Variants in ATP9A observed in about 807,000 individuals in gnomAD.
ATP9A encodes the protein ATPase phospholipid transporting 9A, also known as probable phospholipid-transporting ATPase IIA.
In ATP9A, 52 loss-of-function variants were observed where a neutral mutation model predicts 144.1. The ratio of observed to expected loss-of-function variants is 0.36; its 90% CI spans 0.29 to 0.45. The LOEUF is 0.45. Among genes scored for constraint, ATP9A ranks in the 20% least tolerant of loss-of-function variants. The pLI, the probability that ATP9A is intolerant of heterozygous loss-of-function variation, is 1.00. For synonymous variants in ATP9A, 582 were observed against 557.4 expected (o/e 1.04, Z -0.62); for missense variants, 947 against 1,392.7 (o/e 0.68, Z 5.09).
chr20:51,618,542 C>G (rs1482627036), intron 21 of ATP9A, 120 bp downstream of exon 21: 2 of 1,391,594 alleles, frequency 1.4e-6, no homozygotes, highest in Admixed American at 4.9e-5. Flanking sequence ...AAAATCATGA[C>G]CTGAACAAAG....
intron 1 of ATP9A, among the ~76,000 whole-genome samples, chr20:51,753,892 C>A (rs79810788): frequency 1.3e-5 from 2 of 151,218 alleles, no homozygotes; most frequent in African/African-American, 4.9e-5. Flanking sequence ...AGGCTGGACT[C>A]GAACTCCTGA....
At chr20:51,645,571 T>G (rs919996597) in intron 14 of ATP9A, among the ~76,000 whole-genome samples, 16 of 152,134 alleles carry the variant, frequency 1.1e-4, no homozygotes, top group African/African-American at 3.9e-4. Context: ...CTCAGTCTCT[T>G]TGGGAGCTGA....
chr20:51,746,937 C>T (rs145725652), intron 1 of ATP9A, among the ~76,000 whole-genome samples: 165 of 141,368 alleles, frequency 1.2e-3, no homozygotes, highest in African/African-American at 4.2e-3. Context: ...ACCCAGGAGG[C>T]GGAGGTTGCA....
At chr20:51,652,323 G>C (rs970521294) in intron 14 of ATP9A, among the ~76,000 whole-genome samples, 4 of 152,228 alleles carry the variant, frequency 2.6e-5, no homozygotes, top group African/African-American at 9.6e-5. Flanking sequence ...CAACTGGAAT[G>C]TGCACAGGAA....
At chr20:51,636,433 C>T (rs540860422) in intron 15 of ATP9A, among the ~76,000 whole-genome samples, 3 of 152,306 alleles carry the variant, frequency 2.0e-5, no homozygotes, top group South Asian at 2.1e-4. Flanking sequence ...CTGTTTTAAG[C>T]CACTAAATGT....
At chr20:51,763,323 T>G (rs1266955499) in intron 1 of ATP9A, among the ~76,000 whole-genome samples, 1 of 151,230 alleles carries the variant, frequency 6.6e-6, no homozygotes, top group African/African-American at 2.4e-5. Flanking sequence ...ACTTTTTTTT[T>G]TTTTTTTGAG....
rs1216866238 is a variant in ATP9A, at chr20:51,642,725, CCAAAAAAAAAAAAAAAAAAAAA to C, written c.1507-3243_1507-3222del. Among the ~76,000 whole-genome samples, 14 of 65,592 alleles carry C rather than the reference CCAAAAAAAAAAAAAAAAAAAAA, an allele frequency of 2.1e-4. 1 individual carries two copies. The highest frequency in any genetic ancestry group is 4.6e-4 in the African/African-American group (7 of 15,142). 43.0% of individuals were successfully genotyped at this position (65,592 alleles called of 152,430 possible). On this transcript the variant is annotated intron_variant, in intron 14 of 27. Coordinates refer to ENST00000338821, the MANE Select transcript of ATP9A (RefSeq NM_006045.3). ...TGGGTGACTGAGTGAGACTCTGTCT[CCAAAAAAAAAAAAAAAAAAAAA>C]AAAAAAAAAAAAAAAAACCTGGCGT...
intron 17 of ATP9A, among the ~76,000 whole-genome samples, 159 bp downstream of exon 17, chr20:51,627,441 G>A (rs956172838): frequency 6.6e-6 from 1 of 152,156 alleles, no homozygotes; most frequent in Non-Finnish European, 1.5e-5. Flanking sequence ...AGAGTTCCAG[G>A]CAGACAGAAC....
At chr20:51,711,685 TCAGACA>T (rs2077639106) in intron 4 of ATP9A, among the ~76,000 whole-genome samples, 1 of 152,168 alleles carries the variant, frequency 6.6e-6, no homozygotes, top group Admixed American at 6.5e-5. Flanking sequence ...TCTATTGTAG[TCAGACA>T]CAGACATCAA....
At chr20:51,631,538 G>A (rs538986907) in intron 15 of ATP9A, among the ~76,000 whole-genome samples, 3 of 152,182 alleles carry the variant, frequency 2.0e-5, no homozygotes, top group South Asian at 2.1e-4. Context: ...CCGCATCAAC[G>A]ATCCCCTCCC....
intron 1 of ATP9A, among the ~76,000 whole-genome samples, chr20:51,751,429 T>C (rs1253109183): frequency 6.6e-6 from 1 of 151,766 alleles, no homozygotes; most frequent in Admixed American, 6.6e-5. Flanking sequence ...CCAGCTAATT[T>C]TTTATTTTTC....
At chr20:51,759,655 A>G (rs2077870809) in intron 1 of ATP9A, among the ~76,000 whole-genome samples, 1 of 152,098 alleles carries the variant, frequency 6.6e-6, no homozygotes, top group South Asian at 2.1e-4. Context: ...CCTGGGCGAC[A>G]AGAGCAAGAT....
rs150586021 is a variant in ATP9A, at chr20:51,667,605, C to G, written c.1293+2392G>C. Among the ~76,000 whole-genome samples, 657 of 152,220 alleles carry G rather than the reference C, an allele frequency of 4.3e-3. 8 individuals are homozygous for G. The highest frequency in any genetic ancestry group is 0.015 in the African/African-American group (617 of 41,522). On this transcript the variant is annotated intron_variant, in intron 13 of 27. Coordinates refer to ENST00000338821, the MANE Select transcript of ATP9A (RefSeq NM_006045.3). ...TGAAGACCAAGGCTAGATCCCACTG[C>G]AAGTCTCAGACTCCACCACAGAGCT...
At chr20:51,641,688 G>A (rs2077319818) in intron 14 of ATP9A, among the ~76,000 whole-genome samples, 1 of 151,414 alleles carries the variant, frequency 6.6e-6, no homozygotes, top group Non-Finnish European at 1.5e-5. Flanking sequence ...AAAATAAGCT[G>A]GGCGTGGTGG....
At chr20:51,758,457 C>T (rs1248469644) in intron 1 of ATP9A, among the ~76,000 whole-genome samples, 1 of 152,202 alleles carries the variant, frequency 6.6e-6, no homozygotes, top group Non-Finnish European at 1.5e-5. Context: ...ACTAAAAGAA[C>T]ATTCTGTTCT....
chr20:51,633,334 A>T (rs1008070019), intron 15 of ATP9A, among the ~76,000 whole-genome samples: 1 of 152,226 alleles, frequency 6.6e-6, no homozygotes, highest in Non-Finnish European at 1.5e-5. Flanking sequence ...GAAGCCTTCT[A>T]TGGAGTTCAG....
chr20:51,759,984 G>A (rs1027067552), intron 1 of ATP9A, among the ~76,000 whole-genome samples: 5 of 152,120 alleles, frequency 3.3e-5, no homozygotes, highest in Non-Finnish European at 5.9e-5. Flanking sequence ...ATTCCCAGCT[G>A]AGGTGACACA....
intron 4 of ATP9A, among the ~76,000 whole-genome samples, chr20:51,703,052 C>G (rs1417394203): frequency 1.3e-5 from 2 of 152,028 alleles, no homozygotes; most frequent in Non-Finnish European, 2.9e-5. Context: ...GAAAAAGGAC[C>G]AATACACTCC....
chr20:51,715,533 G>A (rs188962864), intron 3 of ATP9A, among the ~76,000 whole-genome samples: 80 of 152,296 alleles, frequency 5.3e-4, no homozygotes, highest in African/African-American at 1.8e-3. Flanking sequence ...TCCCATTGAT[G>A]TTCATGGAAA....
Sources: gnomAD v4.1 joint callset for allele counts (sites outside exome capture counted in the v4.1 genomes callset) on GRCh38, gnomAD v4.1.1 for gene constraint, MANE v1.5 for transcripts, NCBI Gene and HGNC (gene_info 2026-07-23, HGNC 2026-07-21) for gene names.